The following PHYKPL variants were observed in gnomAD, a reference collection of about 807,000 sequenced individuals.
The protein encoded by PHYKPL is 5-phosphohydroxy-L-lysine phospho-lyase, also known as 5-phosphonooxy-L-lysine phospho-lyase.
In PHYKPL, 42 loss-of-function variants were observed where a neutral mutation model predicts 51.3. The observed-to-expected ratio is 0.82, with a 90% CI of 0.64 to 1.06. PHYKPL has a LOEUF of 1.06. PHYKPL is among the 50% of genes least tolerant of loss of function. PHYKPL has a pLI of 0.00. For missense variants in PHYKPL, 655 were observed against 586.6 expected, an observed-to-expected ratio of 1.12 and a Z score of -1.20; for synonymous variants, 264 against 236.0, an observed-to-expected ratio of 1.12 and a Z score of -1.09.
rs1297597513 is a variant in PHYKPL, at chr5:178,214,604, T to C, written c.1172+192A>G. 3.3e-5 allele frequency among the ~76,000 whole-genome samples: 5 copies of C among 152,188 alleles called. No individual in the cohort carries two copies. The Middle Eastern group carries it at 0.01, about 311-fold the overall frequency. ...GGTACAGAACTGCTAACACCACTTA[T>C]CTCTGTCCTCAGCTGATAGGATCAG... is the stretch of plus-strand genomic sequence containing the variant. On this transcript the variant is annotated intron_variant, in intron 10 of 12. Coordinates refer to ENST00000308158, the MANE Select transcript of PHYKPL (RefSeq NM_153373.4).
At position 178,232,494 on chromosome 5, in the gene PHYKPL, G is replaced by C; in HGVS notation, c.57C>G (p.Ile19Met). 4 of 1,354,620 alleles carry C rather than the reference G, an allele frequency of 3.0e-6. No individual in the cohort carries two copies. Among genetic ancestry groups the C allele is most frequent in the Non-Finnish European group, 3.8e-6 (4 of 1,062,062 alleles). The allele number at this position is 1,354,620 out of a possible 1,614,324, so 83.9% of individuals were successfully genotyped here. ...CCGCCCGCCCCCCGCCCGGGTACCT[G>C]ATGAGCCGTTGCCTCAGGGCCAGCG... ...ADTLALRQRLISSSCRLFFPE... is the reference protein window; with the variant it reads ...ADTLALRQRLMSSSCRLFFPE... The change falls in exon 1 of 13, where the codon ATC becomes ATG. Residue 19 changes from isoleucine (I) to methionine (M), a missense_variant and splice_region_variant. Transcript: ENST00000308158.
chr5:178,227,829 G>A (rs1001118100), intron 3 of PHYKPL, among the ~76,000 whole-genome samples: 1 of 152,224 alleles, frequency 6.6e-6, no homozygotes, highest in Admixed American at 6.5e-5. Flanking sequence ...GAGAGCAGGT[G>A]GTGGCCATGG....
In PHYKPL at chr5:178,214,880, A is replaced by G. The variant is rs1474442344; in HGVS notation, c.1088T>C (p.Val363Ala). Reference sequence around the variant, plus strand: ...CAGATCCACACCAATGAAGAGCCCAACACCCCTGCAAGGGAAGGTGACGAC... The same window carrying G: ...CAGATCCACACCAATGAAGAGCCCAGCACCCCTGCAAGGGAAGGTGACGAC... The part of the protein sequence containing the change: ...KHPIVGDVRG[V>A]GLFIGVDLIK... The change falls in exon 10 of 13, where the codon GTT becomes GCT. Residue 363 changes from valine (V) to alanine (A), a missense_variant. Val to Ala is a moderately conservative substitution (Grantham distance 64, BLOSUM62 0). Transcript: ENST00000308158. 3.1e-6 allele frequency: 5 copies of G among 1,613,454 alleles called. No individual in the cohort carries two copies. The South Asian group carries it at 4.4e-5, about 14-fold the overall frequency.
At chr5:178,228,906 C>T (rs192165755) in intron 3 of PHYKPL, among the ~76,000 whole-genome samples, 6 of 152,234 alleles carry the variant, frequency 3.9e-5, no homozygotes, top group African/African-American at 1.2e-4. Flanking sequence ...AGGATAAAGA[C>T]AGCTTCCCCA....
chr5:178,222,998 C>A, intron 6 of PHYKPL, 64 bp from the exon 7 acceptor site: 1 of 1,507,386 alleles, frequency 6.6e-7, no homozygotes, highest in East Asian at 2.3e-5. Context: ...TTAGCGTGCC[C>A]TGCTAGTGCT....
chr5:178,210,344 A>G (rs1372875491), intron 12 of PHYKPL: 6 of 1,604,248 alleles, frequency 3.7e-6, no homozygotes, highest in African/African-American at 1.3e-5. Flanking sequence ...TGTAGGAGCC[A>G]CTGGCAGCAG....
intron 3 of PHYKPL, chr5:178,229,730 A>G (rs1763001606): frequency 3.8e-6 from 2 of 528,326 alleles, no homozygotes; most frequent in Non-Finnish European, 6.6e-6. Flanking sequence ...CCTAGAAAGG[A>G]GGTAATAACA....
At chr5:178,217,891 C>T (rs1010719517) in intron 8 of PHYKPL, among the ~76,000 whole-genome samples, 15 of 147,142 alleles carry the variant, frequency 1.0e-4, no homozygotes, top group Admixed American at 2.1e-4. Flanking sequence ...TGAGATTGTC[C>T]AGTCTGAAGA....
chr5:178,207,785 C>T (rs893563223), downstream of PHYKPL, among the ~76,000 whole-genome samples: 2 of 141,794 alleles, frequency 1.4e-5, no homozygotes, highest in African/African-American at 2.6e-5. Flanking sequence ...TCACTGCAAC[C>T]TTGACCTCAT....
chr5:178,229,272 A>C (rs954264762), intron 3 of PHYKPL, among the ~76,000 whole-genome samples: 28 of 151,774 alleles, frequency 1.8e-4, no homozygotes, highest in Admixed American at 7.2e-4. Flanking sequence ...CGCCCAGCTA[A>C]ATTTTGTGTA....
At chr5:178,221,584 T>C (rs1336042189) in intron 8 of PHYKPL, among the ~76,000 whole-genome samples, 1 of 152,126 alleles carries the variant, frequency 6.6e-6, no homozygotes, top group Non-Finnish European at 1.5e-5. Flanking sequence ...TATCTTGCCT[T>C]ATCTATCTTG....
At chr5:178,208,140 A>G (rs1334236781), downstream of PHYKPL, among the ~76,000 whole-genome samples, 1 of 152,150 alleles carries the variant, frequency 6.6e-6, no homozygotes. Flanking sequence ...GGTCAGGGAA[A>G]GGGTAGTTCA....
At chr5:178,212,711 G>GCATA (rs1295314391) in intron 11 of PHYKPL, among the ~76,000 whole-genome samples, 1 of 152,252 alleles carries the variant, frequency 6.6e-6, no homozygotes, top group Non-Finnish European at 1.5e-5. Context: ...GCTTTGTCCT[G>GCATA]CATACATCTG....
At position 178,232,530 on chromosome 5, in the gene PHYKPL, C is replaced by T; in HGVS notation, c.21G>A (p.Pro7=). 2 of 1,313,874 alleles carry T rather than the reference C, an allele frequency of 1.5e-6. No individual in the cohort carries two copies. Among genetic ancestry groups the T allele is most frequent in the Non-Finnish European group, 1.9e-6 (2 of 1,038,530 alleles). 81.4% of individuals were successfully genotyped at this position (1,313,874 alleles called of 1,614,324 possible). A position where few individuals can be genotyped will look rare whatever the true frequency, so the allele number is the denominator to read the frequency against. The part of the protein sequence containing the change: MAADQR[P]KADTLALRQR... ...GCCTCAGGGCCAGCGTGTCGGCCTT[C>T]GGGCGCTGGTCTGCGGCCATGGTGG... is the stretch of plus-strand genomic sequence containing the variant. The change falls in exon 1 of 13, where the codon CCG becomes CCA. Residue 7 remains proline, a synonymous_variant. Transcript: ENST00000308158.
intron 4 of PHYKPL, 40 bp downstream of exon 4, chr5:178,225,315 C>G (rs1358375899): frequency 1.9e-6 from 3 of 1,606,638 alleles, no homozygotes; most frequent in South Asian, 1.1e-5. Context: ...AGCCTGTGGG[C>G]CAGGCTTCTG....
rs537640263 is a variant in PHYKPL at position 178,225,394 on chromosome 5, C to T, written c.374G>A (p.Arg125His). ...EANDLALRLARHYTGHQDVVV... is the reference protein window; with the variant it reads ...EANDLALRLAHHYTGHQDVVV... Reference sequence around the variant, plus strand: ...CACGTCCTGGTGTCCCGTGTAGTGGCGAGCCAGCCTCAGGGCCAGGTCATT... The same window carrying T: ...CACGTCCTGGTGTCCCGTGTAGTGGTGAGCCAGCCTCAGGGCCAGGTCATT... Residue 125 changes from arginine to histidine, a missense_variant, in exon 4 of 13, where the codon CGC becomes CAC. Physicochemically the swap from Arg to His is conservative, Grantham distance 29. Coordinates refer to ENST00000308158, the MANE Select transcript of PHYKPL (RefSeq NM_153373.4). 1.9e-6 allele frequency: 3 copies of T among 1,613,960 alleles called. No homozygotes were observed. Among genetic ancestry groups the T allele is most frequent in the East Asian group, 2.2e-5 (1 of 44,860 alleles).
chr5:178,232,532 GGCGCTGGTCTGCGGC>G lies in PHYKPL; in HGVS notation c.4_18del (p.Ala2_Arg6del). The G allele has an allele frequency of 7.6e-7, 1 of 1,323,798 alleles. No homozygotes were observed. The highest frequency in any genetic ancestry group is 1.5e-5 in the African/African-American group (1 of 65,120). The allele number at this position is 1,323,798 out of a possible 1,614,324, so 82.0% of individuals were successfully genotyped here. On this transcript the variant is annotated inframe_deletion, in exon 1 of 13. Coordinates refer to ENST00000308158, the MANE Select transcript of PHYKPL (RefSeq NM_153373.4). ...CTCAGGGCCAGCGTGTCGGCCTTCG[GGCGCTGGTCTGCGGC>G]CATGGTGGGTGGCCGTCAGTCGGTG...
At chr5:178,210,013 T>C (rs1321527074) in intron 12 of PHYKPL, 22 of 1,423,132 alleles carry the variant, frequency 1.5e-5, no homozygotes, top group Non-Finnish European at 2.1e-5. Context: ...CAGCAGCCCC[T>C]TGGCTTCTGC....
At chr5:178,230,954 A>G (rs533852652) in intron 2 of PHYKPL, 4 of 152,478 alleles carry the variant, frequency 2.6e-5, no homozygotes, top group Admixed American at 2.6e-4. Flanking sequence ...AACTTTATTC[A>G]TCTTCCATGT....
Sources: gnomAD v4.1 joint callset for allele counts (sites outside exome capture counted in the v4.1 genomes callset) on GRCh38, gnomAD v4.1.1 for gene constraint, MANE v1.5 for transcripts, NCBI Gene and HGNC (gene_info 2026-07-23, HGNC 2026-07-21) for gene names.